ETV7: variants seen among roughly 807,000 people sequenced by gnomAD.
ETV7 encodes the protein transcription factor ETV7.
In ETV7, 43 loss-of-function variants were observed where a neutral mutation model predicts 39.1. That is an observed-to-expected ratio of 1.10 (90% CI 0.86 to 1.42). The LOEUF is 1.42. ETV7 is among the 40% of genes most tolerant of loss of function. The pLI is 0.00. For synonymous variants in ETV7, 196 were observed against 176.6 expected (o/e 1.11, Z -0.87); for missense variants, 432 against 442.3 (o/e 0.98, Z 0.21).
At chr6:36,370,954 T>C (rs1772985895) in intron 5 of ETV7, among the ~76,000 whole-genome samples, 2 of 152,194 alleles carry the variant, frequency 1.3e-5, no homozygotes, top group Non-Finnish European at 2.9e-5. Flanking sequence ...CTAATAATAG[T>C]ACCAAACTCA....
At position 36,366,732 on chromosome 6, in the gene ETV7, C is replaced by A. The variant is rs1772740863; in HGVS notation, c.939G>T (p.Gln313His). 13 of 1,614,128 alleles carry A rather than the reference C, an allele frequency of 8.1e-6. No homozygotes were observed. The highest frequency in any genetic ancestry group is 9.3e-6 in the Non-Finnish European group (11 of 1,180,022). The change falls in exon 8 of 8, where the codon CAG becomes CAT. Residue 313 changes from glutamine to histidine, a missense_variant. By Grantham distance (24) the Gln-to-His change is conservative. Coordinates refer to ENST00000340181, the MANE Select transcript of ETV7 (RefSeq NM_016135.4). ...GCGGCTCCAGGTGGCTGTGCTTGTC[C>A]TGGACCATCTTTCCCGGAGTCTTTA... ...RFLKTPGKMV[Q>H]DKHSHLEPLE...
chr6:36,361,510 G>C (rs986073418), downstream of ETV7, among the ~76,000 whole-genome samples: 6 of 152,222 alleles, frequency 3.9e-5, no homozygotes, highest in African/African-American at 1.4e-4. Context: ...GATCCTCTGT[G>C]ACAAAGAGGA....
At chr6:36,361,759 T>C (rs73406980), downstream of ETV7, among the ~76,000 whole-genome samples, 169 of 152,384 alleles carry the variant, frequency 1.1e-3, no homozygotes, top group African/African-American at 3.7e-3. Flanking sequence ...AATGAACTTT[T>C]TATTATACTC....
downstream of ETV7, among the ~76,000 whole-genome samples, chr6:36,362,844 G>A (rs1187169639): frequency 6.6e-6 from 1 of 152,210 alleles, no homozygotes; most frequent in Non-Finnish European, 1.5e-5. Flanking sequence ...TCATCGCTGG[G>A]AAATGTAGCT....
At chr6:36,382,457 G>A (rs937844273) in intron 2 of ETV7, among the ~76,000 whole-genome samples, 1 of 152,120 alleles carries the variant, frequency 6.6e-6, no homozygotes, top group Non-Finnish European at 1.5e-5. Context: ...CCCCATCCCA[G>A]ACCTACTGCT....
intron 6 of ETV7, among the ~76,000 whole-genome samples, chr6:36,368,476 G>T (rs1477738782): frequency 6.6e-6 from 1 of 152,066 alleles, no homozygotes; most frequent in Non-Finnish European, 1.5e-5. Context: ...AACCACCTAA[G>T]ATCATCTTAC....
In ETV7 at chr6:36,356,707, C is replaced by T. The variant is rs6908233; in HGVS notation, c.909-2020G>A. ...GCCTGGGCTACAGGGCCCTCCCCAACTGCTGGGGGCAGGACACTGTGATGG... is the reference window on the plus strand; with the variant it reads ...GCCTGGGCTACAGGGCCCTCCCCAATTGCTGGGGGCAGGACACTGTGATGG... On this transcript the variant is annotated intron_variant, in intron 7 of 7. Coordinates refer to the ETV7 transcript ENST00000339796. Among the ~76,000 whole-genome samples the T allele has an allele frequency of 6.7e-3, 1,016 of 152,362 alleles. 17 individuals are homozygous for T. The highest frequency in any genetic ancestry group is 0.023 in the African/African-American group (948 of 41,572).
In ETV7 at chr6:36,357,926, G is replaced by A. The variant is rs547718571; in HGVS notation, c.909-3239C>T. 4.6e-5 allele frequency among the ~76,000 whole-genome samples: 7 copies of A among 152,090 alleles called. No homozygotes were observed. In the East Asian group the frequency reaches 7.7e-4, roughly 17 times the overall value. On this transcript the variant is annotated intron_variant, in intron 7 of 7. Transcript: ENST00000339796. ...AAAAAACACCTCCCCAATCCTTCAC[G>A]CTTTCTCCTCCCTACCTGCGGGCTG...
chr6:36,373,353 A>G, intron 4 of ETV7, 100 bp downstream of exon 4: 2 of 1,375,070 alleles, frequency 1.5e-6, no homozygotes, highest in Non-Finnish European at 1.9e-6. Context: ...GCTTGCCCAC[A>G]CTGGCCACCT....
chr6:36,366,884 AGTTTCTGCCCCG>A lies in ETV7; in HGVS notation c.887_898del (p.Pro296_Lys299del). 1.9e-6 allele frequency: 3 copies of A among 1,613,846 alleles called. No homozygotes were observed. The highest frequency in any genetic ancestry group is 2.5e-6 in the Non-Finnish European group (3 of 1,179,914). ...CCCCTAGGCCACTCACCTGAACAGG[AGTTTCTGCCCCG>A]GTTCCTTCTTAATGATATTAAGCTT... On this transcript the variant is annotated inframe_deletion, in exon 7 of 8. Coordinates refer to ENST00000340181, the MANE Select transcript of ETV7 (RefSeq NM_016135.4).
At chr6:36,361,764 A>G (rs139451110), downstream of ETV7, among the ~76,000 whole-genome samples, 450 of 152,344 alleles carry the variant, frequency 3.0e-3, 5 homozygotes, top group South Asian at 0.025. Context: ...ACTTTTTATT[A>G]TACTCATTTT....
intron 2 of ETV7, among the ~76,000 whole-genome samples, chr6:36,381,950 T>C (rs979580613): frequency 2.0e-4 from 30 of 152,276 alleles, no homozygotes; most frequent in African/African-American, 6.3e-4. Context: ...TTCTTGGAAT[T>C]CCCCATCTGC....
At chr6:36,362,646 A>G (rs1772532938), downstream of ETV7, among the ~76,000 whole-genome samples, 1 of 152,208 alleles carries the variant, frequency 6.6e-6, no homozygotes, top group Non-Finnish European at 1.5e-5. Flanking sequence ...CCAGGCACCC[A>G]GGGGTCCATC....
intron 2 of ETV7, among the ~76,000 whole-genome samples, chr6:36,381,831 T>G (rs1005392053): frequency 6.6e-6 from 1 of 152,300 alleles, no homozygotes; most frequent in South Asian, 2.1e-4. Context: ...GGACTTTGAT[T>G]GGCTTCTCCC....
intron 1 of ETV7, among the ~76,000 whole-genome samples, 183 bp downstream of exon 1, chr6:36,387,353 G>A (rs1433562725): frequency 1.3e-5 from 2 of 152,160 alleles, no homozygotes; most frequent in Admixed American, 1.3e-4. Context: ...GGTGACCCGC[G>A]TCTGGAGGTG....
rs188411487 is a variant in ETV7, at chr6:36,360,133, C to T, written c.909-5446G>A. Among the ~76,000 whole-genome samples, 303 of 152,176 alleles carry T rather than the reference C, an allele frequency of 2.0e-3. 2 individuals are homozygous for T. Among genetic ancestry groups the T allele is most frequent in the Non-Finnish European group, 3.2e-3 (218 of 67,998 alleles). Reference sequence around the variant, plus strand: ...GTCTCGATTTCTTGACCTCGTAATCCGCCCGCCTCGGCCTCCCAAAGTGCT... The same window carrying T: ...GTCTCGATTTCTTGACCTCGTAATCTGCCCGCCTCGGCCTCCCAAAGTGCT... On this transcript the variant is annotated intron_variant, in intron 7 of 7. Transcript: ENST00000339796.
chr6:36,381,908 A>G (rs1773674664), intron 2 of ETV7, among the ~76,000 whole-genome samples: 1 of 152,124 alleles, frequency 6.6e-6, no homozygotes, highest in East Asian at 1.9e-4. Context: ...GCATTTAGGG[A>G]GGGGAGAGGT....
chr6:36,387,652 C>T lies in ETV7; in HGVS notation c.-111G>A. ...CAGTCCTCCTCCGCCAAACCCCTAACCTGGCTCCGAGAACTGGAAGGTCGC... is the reference window on the plus strand; with the variant it reads ...CAGTCCTCCTCCGCCAAACCCCTAATCTGGCTCCGAGAACTGGAAGGTCGC... On this transcript the variant is annotated 5_prime_UTR_variant, in exon 1 of 8. Coordinates refer to ENST00000340181, the MANE Select transcript of ETV7 (RefSeq NM_016135.4). 1 of 1,258,552 alleles carries T rather than the reference C, an allele frequency of 7.9e-7. No individual in the cohort carries two copies. The highest frequency in any genetic ancestry group is 1.1e-6 in the Non-Finnish European group (1 of 880,836). 78.0% of individuals were successfully genotyped at this position (1,258,552 alleles called of 1,614,324 possible).
chr6:36,373,627 GA>G, intron 3 of ETV7, 49 bp from the exon 4 acceptor site: 1 of 1,500,916 alleles, frequency 6.7e-7, no homozygotes. Context: ...GCCACGTGGG[GA>G]GGGCCAGCCT....
Sources: gnomAD v4.1 joint callset for allele counts (sites outside exome capture counted in the v4.1 genomes callset) on GRCh38, gnomAD v4.1.1 for gene constraint, MANE v1.5 for transcripts, NCBI Gene and HGNC (gene_info 2026-07-23, HGNC 2026-07-21) for gene names.